FOXP2: variants seen among roughly 807,000 people sequenced by gnomAD.
FOXP2 encodes the protein forkhead box P2.
FOXP2 carries 12 observed loss-of-function variants against 115.8 expected under a neutral mutation model. That is an observed-to-expected ratio of 0.10 (90% CI 0.07 to 0.17). The LOEUF (loss-of-function observed/expected upper bound fraction) is 0.17, where lower values mean the gene tolerates loss of function less well. FOXP2 is among the 10% of genes least tolerant of loss of function. The pLI is 1.00. For missense variants in FOXP2, 629 were observed against 843.5 expected, an observed-to-expected ratio of 0.75 and a Z score of 3.15; for synonymous variants, 328 against 297.7, an observed-to-expected ratio of 1.10 and a Z score of -1.05.
chr7:114,234,770 TG>T (rs912725782), intron 1 of FOXP2, among the ~76,000 whole-genome samples: 5 of 152,204 alleles, frequency 3.3e-5, no homozygotes, highest in Non-Finnish European at 7.3e-5. Context: ...ATTCTTGCCC[TG>T]CATTTTCCAT....
intron 2 of FOXP2, among the ~76,000 whole-genome samples, chr7:114,305,543 T>C (rs1016250174): frequency 1.3e-5 from 2 of 152,148 alleles, no homozygotes; most frequent in Non-Finnish European, 2.9e-5. Context: ...TGATTCTCAA[T>C]ATTCAGTACA....
At chr7:114,633,531 A>G (rs896105263) in intron 6 of FOXP2, among the ~76,000 whole-genome samples, 21 of 152,204 alleles carry the variant, frequency 1.4e-4, no homozygotes, top group African/African-American at 4.6e-4. Context: ...TGTTTTCATT[A>G]ATATAGGTTA....
Position 114,426,631 on chromosome 7 carries a change from C to T in FOXP2, c.120C>T (p.Thr40=), listed in dbSNP as rs1371646896. ...GAGATGGAAGATCAAGTGGTGACAC[C>T]AGCTCTGAAGTAAGCACAGTAGAAC... ...GSRDGRSSGD[T]SSEVSTVELL... The change falls in exon 2 of 17, where the codon ACC becomes ACT. Residue 40 remains threonine, a synonymous_variant. Transcript: ENST00000350908. 2.5e-6 allele frequency: 4 copies of T among 1,611,532 alleles called. No homozygotes were observed. Among genetic ancestry groups the T allele is most frequent in the Non-Finnish European group, 3.4e-6 (4 of 1,178,346 alleles).
intron 2 of FOXP2, among the ~76,000 whole-genome samples, chr7:114,493,484 G>T (rs557788080): frequency 4.9e-4 from 75 of 152,180 alleles, no homozygotes; most frequent in African/African-American, 1.8e-3. Flanking sequence ...AAGACAGGAG[G>T]TATATGAAAA....
intron 2 of FOXP2, among the ~76,000 whole-genome samples, chr7:114,305,456 G>C (rs1287798623): frequency 3.9e-5 from 6 of 152,110 alleles, no homozygotes; most frequent in Admixed American, 3.9e-4. Flanking sequence ...TGAAAATTCT[G>C]TAACAGAGAA....
chr7:114,095,415 T>A (rs959266094), intron 1 of FOXP2, among the ~76,000 whole-genome samples: 76 of 152,218 alleles, frequency 5.0e-4, no homozygotes, highest in Non-Finnish European at 1.6e-4. Flanking sequence ...ACAGTCACTT[T>A]GCTAGTGAAG....
intron 2 of FOXP2, among the ~76,000 whole-genome samples, chr7:114,309,830 C>A (rs1264337444): frequency 7.3e-6 from 1 of 136,104 alleles, no homozygotes; most frequent in African/African-American, 2.7e-5. Flanking sequence ...ACACTCAACT[C>A]TTTTTTTTTT....
intron 2 of FOXP2, among the ~76,000 whole-genome samples, chr7:114,436,471 GTAAT>G (rs1794354920): frequency 6.7e-6 from 1 of 148,920 alleles, no homozygotes; most frequent in Admixed American, 6.8e-5. Context: ...AATAATTAAT[GTAAT>G]TATTTTAGGA....
intron 1 of FOXP2, among the ~76,000 whole-genome samples, chr7:114,211,004 C>T (rs529636658): frequency 6.6e-5 from 10 of 152,276 alleles, no homozygotes; most frequent in South Asian, 6.2e-4. Flanking sequence ...CAGGCTGGAG[C>T]GGCTGAGTCT....
At chr7:114,328,526 G>A (rs1279583245) in intron 2 of FOXP2, among the ~76,000 whole-genome samples, 2 of 152,032 alleles carry the variant, frequency 1.3e-5, no homozygotes, top group Non-Finnish European at 2.9e-5. Flanking sequence ...GTGAGCCACC[G>A]CGCCCAGCCT....
intron 2 of FOXP2, among the ~76,000 whole-genome samples, chr7:114,390,576 C>T (rs1192961466): frequency 6.8e-6 from 1 of 146,478 alleles, no homozygotes. Context: ...TTATTTGAGA[C>T]AGGGTCTTAC....
Position 114,399,930 on chromosome 7 carries a change from C to T in FOXP2, c.-10-26572C>T, listed in dbSNP as rs566082898. 1.2e-4 allele frequency among the ~76,000 whole-genome samples: 14 copies of T among 121,366 alleles called. No homozygotes were observed. In the East Asian group the frequency reaches 2.8e-3, roughly 24 times the overall value. 79.6% of individuals were successfully genotyped at this position (121,366 alleles called of 152,430 possible). The stretch of plus-strand genomic sequence containing the variant: ...GGAGTGCAGTGGCGCGATCTTGGCT[C>T]ACTGCAACCTCCGCCCCCCGAGTTC... On this transcript the variant is annotated intron_variant, in intron 2 of 17. Coordinates refer to the FOXP2 transcript ENST00000634411.
At chr7:114,166,546 T>C (rs1792987765) in intron 1 of FOXP2, among the ~76,000 whole-genome samples, 2 of 151,664 alleles carry the variant, frequency 1.3e-5, no homozygotes, top group South Asian at 4.2e-4. Flanking sequence ...CTACTGAAAA[T>C]ACAAAAAAAT....
At chr7:114,545,584 G>C (rs1244610041) in intron 3 of FOXP2, among the ~76,000 whole-genome samples, 1 of 152,130 alleles carries the variant, frequency 6.6e-6, no homozygotes, top group Non-Finnish European at 1.5e-5. Flanking sequence ...GAAACCTTAA[G>C]AAAAGATGGA....
intron 15 of FOXP2, 56 bp from the exon 16 acceptor site, chr7:114,664,217 A>G: frequency 4.4e-6 from 7 of 1,582,472 alleles, no homozygotes; most frequent in Non-Finnish European, 6.0e-6. Context: ...ACATGTTTTA[A>G]AAATTATTTT....
At chr7:114,130,596 T>G (rs374993311) in intron 1 of FOXP2, among the ~76,000 whole-genome samples, 2 of 152,364 alleles carry the variant, frequency 1.3e-5, no homozygotes, top group South Asian at 2.1e-4. Flanking sequence ...AAAATGTAAC[T>G]TAGAACATTT....
intron 2 of FOXP2, among the ~76,000 whole-genome samples, chr7:114,295,432 T>G (rs577732364): frequency 6.6e-6 from 1 of 152,296 alleles, no homozygotes; most frequent in East Asian, 1.9e-4. Context: ...GCAGCTATAT[T>G]TAAAATGTCA....
chr7:114,672,647 T>C (rs1245057670), intron 16 of FOXP2, among the ~76,000 whole-genome samples: 1 of 152,038 alleles, frequency 6.6e-6, no homozygotes, highest in Non-Finnish European at 1.5e-5. Context: ...TAATAGAGTA[T>C]ATAACTAAGC....
intron 2 of FOXP2, among the ~76,000 whole-genome samples, chr7:114,375,934 A>C (rs1330329214): frequency 1.3e-5 from 2 of 151,306 alleles, no homozygotes; most frequent in East Asian, 3.9e-4. Context: ...TAACAAAGTT[A>C]CATTGCAAAA....
Sources: allele counts gnomAD v4.1 joint callset (sites outside exome capture counted in the v4.1 genomes callset), GRCh38; gene constraint gnomAD v4.1.1; transcripts MANE v1.5; gene names NCBI Gene and HGNC (gene_info 2026-07-23, HGNC 2026-07-21).